Variants in TMEM132D observed in about 807,000 individuals in gnomAD.
The protein encoded by TMEM132D is transmembrane protein 132D.
Under a neutral mutation model 62.3 loss-of-function variants are expected in TMEM132D, and 21 were observed. That is an observed-to-expected ratio of 0.34 (90% confidence interval 0.24 to 0.49). TMEM132D has a LOEUF of 0.49. Among genes scored for constraint, TMEM132D ranks in the 20% least tolerant of loss-of-function variants. The probability of loss-of-function intolerance (pLI) is 0.99; values close to 1 mark genes in which losing one functional copy is unlikely to be tolerated. For missense variants in TMEM132D, 1,346 were observed against 1,402.8 expected (o/e 0.96, Z 0.65); for synonymous variants, 621 against 575.6 (o/e 1.08, Z -1.13).
intron 3 of TMEM132D, among the ~76,000 whole-genome samples, chr12:129,432,225 G>C (rs990973297): frequency 1.3e-5 from 2 of 150,848 alleles, no homozygotes; most frequent in African/African-American, 4.9e-5. Flanking sequence ...ATGGATGCTT[G>C]GATGGATGGA....
chr12:129,766,015 CTGGACAA>C (rs1458262862), intron 1 of TMEM132D, among the ~76,000 whole-genome samples: 2 of 152,084 alleles, frequency 1.3e-5, no homozygotes, highest in Non-Finnish European at 2.9e-5. Context: ...TGGACTTGTT[CTGGACAA>C]TGAGGCGGAG....
At chr12:129,084,357 C>T in intron 6 of TMEM132D, 140 bp downstream of exon 6, 1 of 821,700 alleles carries the variant, frequency 1.2e-6, no homozygotes, top group Non-Finnish European at 1.8e-6. Context: ...GAAGCCAACA[C>T]AGAGCAAATC....
chr12:129,618,452 C>G (rs959086176), intron 2 of TMEM132D, among the ~76,000 whole-genome samples: 1 of 152,164 alleles, frequency 6.6e-6, no homozygotes, highest in African/African-American at 2.4e-5. Flanking sequence ...TGGTTTTGTA[C>G]TAGTCAATGT....
At position 129,078,625 on chromosome 12, in the gene TMEM132D, C is replaced by T; in HGVS notation, c.2024G>A (p.Gly675Glu). 6.2e-7 allele frequency: 1 copy of T among 1,614,134 alleles called. No homozygotes were observed. Among genetic ancestry groups the T allele is most frequent in the Non-Finnish European group, 8.5e-7 (1 of 1,180,022 alleles). The stretch of plus-strand genomic sequence containing the variant: ...GCTGAGCTGCAAGGAGAGTGACAGC[C>T]CTGTCACCAGCTGCACCCCGAGGTC... ...ITDLGVQLVT[G>E]LSLSLQLSPG... Residue 675 changes from glycine to glutamate, a missense_variant, in exon 8 of 9, where the codon GGG (glycine) becomes GAG (glutamate). Transcript: ENST00000422113.
intron 2 of TMEM132D, among the ~76,000 whole-genome samples, chr12:129,629,653 A>G (rs1043639217): frequency 6.7e-6 from 1 of 148,366 alleles, no homozygotes; most frequent in South Asian, 2.2e-4. Context: ...TAGGCCCAAC[A>G]GTTAATGCCT....
intron 3 of TMEM132D, among the ~76,000 whole-genome samples, chr12:129,429,834 T>C (rs1399835745): frequency 6.7e-6 from 1 of 149,418 alleles, no homozygotes; most frequent in African/African-American, 2.5e-5. Flanking sequence ...CACGCGGTGT[T>C]TGGTTTTTTG....
At chr12:129,397,085 C>T (rs1348100543) in intron 3 of TMEM132D, among the ~76,000 whole-genome samples, 2 of 152,132 alleles carry the variant, frequency 1.3e-5, no homozygotes, top group Non-Finnish European at 2.9e-5. Flanking sequence ...AAAAATAACC[C>T]CATTCTTAAT....
intron 1 of TMEM132D, among the ~76,000 whole-genome samples, chr12:129,799,249 C>A (rs1168107014): frequency 6.6e-6 from 1 of 151,896 alleles, no homozygotes; most frequent in Non-Finnish European, 1.5e-5. Context: ...TGGGCACACT[C>A]CACCCTGGGC....
At chr12:129,737,388 A>G (rs528667531) in intron 1 of TMEM132D, among the ~76,000 whole-genome samples, 1 of 152,326 alleles carries the variant, frequency 6.6e-6, no homozygotes, top group East Asian at 1.9e-4. Context: ...TTAGTTGACA[A>G]GATCGAACAC....
intron 5 of TMEM132D, among the ~76,000 whole-genome samples, chr12:129,192,256 A>C (rs1313947346): frequency 1.3e-5 from 2 of 152,194 alleles, no homozygotes; most frequent in Non-Finnish European, 2.9e-5. Context: ...TCAGAATCCA[A>C]ATAGAAGTTC....
intron 5 of TMEM132D, among the ~76,000 whole-genome samples, chr12:129,141,055 C>T (rs1391531128): frequency 6.6e-6 from 1 of 152,148 alleles, no homozygotes; most frequent in African/African-American, 2.4e-5. Flanking sequence ...ACTGCACACA[C>T]TATAGATGAT....
intron 2 of TMEM132D, among the ~76,000 whole-genome samples, chr12:129,689,511 A>C (rs2137215570): frequency 6.6e-6 from 1 of 152,286 alleles, no homozygotes; most frequent in South Asian, 2.1e-4. Flanking sequence ...TGCCTGCAGC[A>C]TGACTCTTTG....
intron 5 of TMEM132D, among the ~76,000 whole-genome samples, chr12:129,095,431 T>G (rs1040695727): frequency 6.9e-6 from 1 of 144,096 alleles, no homozygotes; most frequent in African/African-American, 2.6e-5. Flanking sequence ...CTTGGCTCAC[T>G]GCAACCTCTG....
At chr12:129,286,631 G>A (rs1881304494) in intron 4 of TMEM132D, among the ~76,000 whole-genome samples, 1 of 152,206 alleles carries the variant, frequency 6.6e-6, no homozygotes, top group Non-Finnish European at 1.5e-5. Context: ...AGCATGTGCT[G>A]GAGCTCCGGG....
At chr12:129,524,391 A>G (rs1339281092) in intron 3 of TMEM132D, among the ~76,000 whole-genome samples, 1 of 152,176 alleles carries the variant, frequency 6.6e-6, no homozygotes, top group African/African-American at 2.4e-5. Context: ...CGTACATGCT[A>G]CTATTCAAGA....
chr12:129,775,516 G>A (rs1262658104), intron 1 of TMEM132D, among the ~76,000 whole-genome samples: 5 of 152,170 alleles, frequency 3.3e-5, no homozygotes, highest in Admixed American at 6.5e-5. Flanking sequence ...AGGCTGTCAC[G>A]TTTCTGCATC....
At chr12:129,594,293 C>T (rs1360100962) in intron 2 of TMEM132D, among the ~76,000 whole-genome samples, 1 of 152,184 alleles carries the variant, frequency 6.6e-6, no homozygotes, top group Non-Finnish European at 1.5e-5. Context: ...TTGTACATTT[C>T]AGGTGAGTCA....
chr12:129,899,503 C>A (rs1433031812), intron 1 of TMEM132D, among the ~76,000 whole-genome samples: 3 of 149,760 alleles, frequency 2.0e-5, no homozygotes, highest in Non-Finnish European at 3.0e-5. Flanking sequence ...GATGGATGGA[C>A]GGATGAATGA....
In TMEM132D at chr12:129,881,886, T is replaced by C. The variant is rs1874607146; in HGVS notation, c.79+21375A>G. On this transcript the variant is annotated intron_variant, in intron 1 of 8. Coordinates refer to ENST00000422113, the MANE Select transcript of TMEM132D (RefSeq NM_133448.3). ...AAAATTCATAAATCTCTAGCCAGAC[T>C]GACTGAGAAAAAAAGAGTAAAGAAA... 2.6e-5 allele frequency among the ~76,000 whole-genome samples: 4 copies of C among 151,874 alleles called. No individual in the cohort carries two copies. The South Asian group carries it at 8.3e-4, about 31-fold the overall frequency.
Sources: gnomAD v4.1 joint callset for allele counts (sites outside exome capture counted in the v4.1 genomes callset) on GRCh38, gnomAD v4.1.1 for gene constraint, MANE v1.5 for transcripts, NCBI Gene and HGNC (gene_info 2026-07-23, HGNC 2026-07-21) for gene names.